Variants in ST18 observed in about 807,000 individuals in gnomAD.
ST18 encodes the protein suppression of tumorigenicity 18 protein.
A neutral mutation model predicts 110.0 loss-of-function variants in ST18; 50 were observed. The ratio of observed to expected loss-of-function variants is 0.45; its 90% CI spans 0.36 to 0.58. ST18 has a LOEUF of 0.58. ST18 is among the 20% of genes least tolerant of loss of function. ST18 has a pLI of 0.00. For missense variants in ST18, 1,306 were observed against 1,280.1 expected (o/e 1.02, Z -0.31); for synonymous variants, 461 against 452.4 (o/e 1.02, Z -0.24).
intron 2 of ST18, among the ~76,000 whole-genome samples, chr8:52,344,393 T>A (rs1816678466): frequency 8.6e-6 from 1 of 116,936 alleles, no homozygotes; most frequent in African/African-American, 3.3e-5. Context: ...TAAAGCCCCC[T>A]ACAATAATAG....
chr8:52,113,754 A>G (rs778581619), intron 25 of ST18, among the ~76,000 whole-genome samples: 1 of 152,072 alleles, frequency 6.6e-6, no homozygotes, highest in Non-Finnish European at 1.5e-5. Context: ...TGCCCTTAAC[A>G]GCACTGGGCA....
chr8:52,406,225 AAAC>A (rs1157569948), intron 2 of ST18: 1 of 152,236 alleles, frequency 6.6e-6, no homozygotes, highest in African/African-American at 2.4e-5. Flanking sequence ...AACCTTTCAC[AAAC>A]AACAGGATCA....
Position 52,136,482 on chromosome 8 carries a change from G to A in ST18, c.2300+108C>T, listed in dbSNP as rs569437011. 10 of 1,094,168 alleles carry A rather than the reference G, an allele frequency of 9.1e-6. No individual in the cohort carries two copies. In the South Asian group the frequency reaches 1.3e-4, roughly 14 times the overall value. 67.8% of individuals were successfully genotyped at this position (1,094,168 alleles called of 1,614,324 possible). On this transcript the variant is annotated intron_variant, in intron 19 of 25. Transcript: ENST00000689386. The stretch of plus-strand genomic sequence containing the variant: ...AAGTGCCTTTGCTGTGATCCTGGCA[G>A]GCAGGACATACTGCTTGTTGCTGAT...
intron 5 of ST18, among the ~76,000 whole-genome samples, chr8:52,219,446 AATTT>A (rs2085773000): frequency 6.6e-6 from 1 of 152,212 alleles, no homozygotes; most frequent in Non-Finnish European, 1.5e-5. Flanking sequence ...ACATATTTAT[AATTT>A]TCAAAACTTT....
chr8:52,176,411 C>T (rs2066978523), intron 9 of ST18, among the ~76,000 whole-genome samples: 1 of 152,104 alleles, frequency 6.6e-6, no homozygotes, highest in South Asian at 2.1e-4. Flanking sequence ...AAAAGTGTTC[C>T]AACCTCAACT....
intron 2 of ST18, among the ~76,000 whole-genome samples, chr8:52,282,738 G>A (rs551799646): frequency 6.6e-6 from 1 of 152,114 alleles, no homozygotes; most frequent in African/African-American, 2.4e-5. Flanking sequence ...TCATCGGGAA[G>A]GTGAGTCATC....
intron 2 of ST18, among the ~76,000 whole-genome samples, chr8:52,329,037 A>C (rs894906824): frequency 3.9e-5 from 6 of 152,100 alleles, no homozygotes; most frequent in African/African-American, 1.2e-4. Context: ...CATTTATTTC[A>C]GTTCATTTTA....
At chr8:52,346,216 G>A (rs902446285) in intron 2 of ST18, among the ~76,000 whole-genome samples, 43 of 150,446 alleles carry the variant, frequency 2.9e-4, no homozygotes, top group African/African-American at 1.0e-3. Flanking sequence ...AGTTTTAAAC[G>A]AAAATAAGAG....
chr8:52,218,774 T>G (rs1343620689), intron 5 of ST18, among the ~76,000 whole-genome samples: 1 of 152,042 alleles, frequency 6.6e-6, no homozygotes, highest in South Asian at 2.1e-4. Context: ...GATTTTGCTG[T>G]GCTCATCGCC....
intron 2 of ST18, among the ~76,000 whole-genome samples, chr8:52,344,551 C>G (rs1020694798): frequency 6.6e-6 from 1 of 152,060 alleles, no homozygotes; most frequent in Non-Finnish European, 1.5e-5. Context: ...CGGGGGCCCA[C>G]CACCTCGCTC....
chr8:52,325,441 G>A (rs1805876834), intron 2 of ST18, among the ~76,000 whole-genome samples: 1 of 152,118 alleles, frequency 6.6e-6, no homozygotes, highest in Non-Finnish European at 1.5e-5. Context: ...GTTTCTACTG[G>A]AGGTAATCTA....
At chr8:52,214,115 C>T in intron 7 of ST18, 88 bp downstream of exon 7, 1 of 1,390,422 alleles carries the variant, frequency 7.2e-7, no homozygotes, top group Non-Finnish European at 1.0e-6. Flanking sequence ...TGTAATCATT[C>T]TGACTGCACA....
chr8:52,240,623 C>G (rs187622529), intron 2 of ST18, among the ~76,000 whole-genome samples: 79 of 152,294 alleles, frequency 5.2e-4, no homozygotes, highest in African/African-American at 1.8e-3. Flanking sequence ...GGTTCTTTCT[C>G]CTCAGCATAG....
chr8:52,198,697 GTA>G (rs1483361317), intron 8 of ST18, among the ~76,000 whole-genome samples: 1 of 152,284 alleles, frequency 6.6e-6, no homozygotes, highest in Non-Finnish European at 1.5e-5. Context: ...GTGTGTATAT[GTA>G]TATATATGTA....
intron 2 of ST18, chr8:52,408,928 A>G (rs1204004664): frequency 2.0e-5 from 3 of 152,270 alleles, no homozygotes; most frequent in African/African-American, 7.2e-5. Flanking sequence ...GCACAGAAAA[A>G]GTGATGTTTT....
intron 2 of ST18, among the ~76,000 whole-genome samples, chr8:52,395,059 T>C (rs889783105): frequency 1.3e-5 from 2 of 152,146 alleles, no homozygotes; most frequent in African/African-American, 2.4e-5. Flanking sequence ...AGGTCTCTCA[T>C]TGGAAAAATT....
intron 9 of ST18, among the ~76,000 whole-genome samples, chr8:52,178,631 A>C (rs1435884527): frequency 7.6e-6 from 1 of 131,132 alleles, no homozygotes; most frequent in Non-Finnish European, 1.5e-5. Context: ...AAAAAAAAAA[A>C]AAAAAAAAAA....
chr8:52,302,747 T>C (rs2095748437), intron 2 of ST18, among the ~76,000 whole-genome samples: 1 of 152,202 alleles, frequency 6.6e-6, no homozygotes, highest in Non-Finnish European at 1.5e-5. Context: ...ACATAAATAA[T>C]GATAGGAACT....
intron 2 of ST18, among the ~76,000 whole-genome samples, chr8:52,232,704 C>T (rs1193690767): frequency 6.6e-6 from 1 of 151,820 alleles, no homozygotes; most frequent in East Asian, 1.9e-4. Context: ...AAAGCTTTTA[C>T]AAGGGTATTT....
Sources: allele counts gnomAD v4.1 joint callset (sites outside exome capture counted in the v4.1 genomes callset), GRCh38; gene constraint gnomAD v4.1.1; transcripts MANE v1.5; gene names NCBI Gene and HGNC (gene_info 2026-07-23, HGNC 2026-07-21).